LHFPL6: variants seen among roughly 807,000 people sequenced by gnomAD.
The protein encoded by LHFPL6 is LHFPL tetraspan subfamily member 6.
A neutral mutation model predicts 20.6 loss-of-function variants in LHFPL6; 9 were observed. That is an observed-to-expected ratio of 0.44 (90% CI 0.26 to 0.76). The LOEUF (loss-of-function observed/expected upper bound fraction) is 0.76, where lower values mean the gene tolerates loss of function less well. Ranked by LOEUF, LHFPL6 falls within the 30% of genes least tolerant of loss-of-function variation. LHFPL6 has a pLI of 0.20. For missense variants in LHFPL6, 218 were observed against 253.5 expected, an observed-to-expected ratio of 0.86 and a Z score of 0.95; for synonymous variants, 105 against 98.7, an observed-to-expected ratio of 1.06 and a Z score of -0.38.
chr13:39,567,653 C>T (rs748541624), intron 2 of LHFPL6, among the ~76,000 whole-genome samples: 2 of 152,110 alleles, frequency 1.3e-5, no homozygotes, highest in Non-Finnish European at 2.9e-5. Flanking sequence ...TCTTTGAAAA[C>T]ACATAAACCA....
chr13:39,388,407 A>T (rs149814610), intron 2 of LHFPL6, among the ~76,000 whole-genome samples: 1 of 152,208 alleles, frequency 6.6e-6, no homozygotes. Context: ...CTAGGCAATC[A>T]TTGGGAGAAA....
At chr13:39,569,126 C>CACGG (rs1461514758) in intron 2 of LHFPL6, among the ~76,000 whole-genome samples, 2 of 112,582 alleles carry the variant, frequency 1.8e-5, no homozygotes, top group Non-Finnish European at 3.8e-5. Flanking sequence ...GCTTAGTAAA[C>CACGG]ACGGATGGAT....
intron 2 of LHFPL6, among the ~76,000 whole-genome samples, chr13:39,486,581 T>G (rs1370050502): frequency 1.3e-5 from 2 of 152,184 alleles, no homozygotes; most frequent in Non-Finnish European, 2.9e-5. Context: ...AAGTGGTTAC[T>G]ATTACCGCCA....
intron 1 of LHFPL6, 28 bp downstream of exon 1, chr13:39,602,855 C>T (rs1230987765): frequency 6.6e-6 from 1 of 152,308 alleles, no homozygotes; most frequent in African/African-American, 2.4e-5. Flanking sequence ...GAGCCCACGC[C>T]CACGGGGCAG....
chr13:39,367,098 T>C (rs189985528), intron 3 of LHFPL6, among the ~76,000 whole-genome samples: 22 of 152,322 alleles, frequency 1.4e-4, no homozygotes, highest in African/African-American at 5.3e-4. Context: ...AGTGGAAGCA[T>C]ATTCAATTCA....
chr13:39,555,779 A>G (rs1871286018), intron 2 of LHFPL6, among the ~76,000 whole-genome samples: 1 of 152,244 alleles, frequency 6.6e-6, no homozygotes, highest in South Asian at 2.1e-4. Flanking sequence ...AGAAATTTCA[A>G]TTAATAAGGA....
chr13:39,511,599 G>T (rs932624109), intron 2 of LHFPL6, among the ~76,000 whole-genome samples: 39 of 152,136 alleles, frequency 2.6e-4, no homozygotes, highest in Non-Finnish European at 4.4e-5. Flanking sequence ...TTGATTTTAT[G>T]AACAAAGAAT....
intron 2 of LHFPL6, among the ~76,000 whole-genome samples, chr13:39,515,307 G>C (rs540620289): frequency 7.2e-5 from 11 of 152,280 alleles, no homozygotes; most frequent in African/African-American, 2.6e-4. Context: ...TTCCCATCAA[G>C]GGTTGAGGAT....
intron 2 of LHFPL6, among the ~76,000 whole-genome samples, chr13:39,494,513 C>T (rs539414704): frequency 6.6e-6 from 1 of 152,304 alleles, no homozygotes; most frequent in Non-Finnish European, 1.5e-5. Flanking sequence ...ACCCCGCTCA[C>T]TCCCATACAG....
intron 2 of LHFPL6, among the ~76,000 whole-genome samples, chr13:39,558,767 C>T (rs1871384798): frequency 6.6e-6 from 1 of 152,190 alleles, no homozygotes; most frequent in African/African-American, 2.4e-5. Flanking sequence ...CTCCCCAGCA[C>T]CAGGCAGGAT....
At chr13:39,568,515 T>TAA (rs1490528734) in intron 2 of LHFPL6, among the ~76,000 whole-genome samples, 1 of 152,136 alleles carries the variant, frequency 6.6e-6, no homozygotes, top group African/African-American at 2.4e-5. Flanking sequence ...CCTATATAAA[T>TAA]AAAAAAACCT....
At chr13:39,369,976 G>A (rs1193269323) in intron 3 of LHFPL6, among the ~76,000 whole-genome samples, 1 of 152,108 alleles carries the variant, frequency 6.6e-6, no homozygotes, top group Non-Finnish European at 1.5e-5. Flanking sequence ...AAATAGAAAT[G>A]TTCTGGCTCT....
intron 2 of LHFPL6, among the ~76,000 whole-genome samples, chr13:39,578,141 T>C (rs1374840201): frequency 6.6e-6 from 1 of 152,184 alleles, no homozygotes; most frequent in Non-Finnish European, 1.5e-5. Context: ...TCTCAACCCA[T>C]ATCACTGGAA....
At chr13:39,485,179 G>A (rs1424681973) in intron 2 of LHFPL6, among the ~76,000 whole-genome samples, 5 of 152,038 alleles carry the variant, frequency 3.3e-5, no homozygotes, top group South Asian at 2.1e-4. Context: ...ATAAATCAGC[G>A]GGAAAAATCA....
intron 2 of LHFPL6, among the ~76,000 whole-genome samples, chr13:39,514,806 C>G (rs929447385): frequency 6.6e-6 from 1 of 152,158 alleles, no homozygotes; most frequent in Admixed American, 6.5e-5. Flanking sequence ...AGAAGCCAAC[C>G]AAGGACATGA....
chr13:39,361,669 C>T (rs145193973), intron 3 of LHFPL6, among the ~76,000 whole-genome samples: 182 of 152,208 alleles, frequency 1.2e-3, no homozygotes, highest in Middle Eastern at 3.4e-3. Flanking sequence ...TTTTGCAAGT[C>T]GCAAACCGTA....
rs187525026 is a variant in LHFPL6, at chr13:39,421,135, C to T, written c.386-42609G>A. On this transcript the variant is annotated intron_variant, in intron 2 of 3. Coordinates refer to ENST00000379589, the MANE Select transcript of LHFPL6 (RefSeq NM_005780.3). Reference sequence around the variant, plus strand: ...AAACTAAATCACAAGTGTGAATGCCCGTTTACTCTCCTGTTATATCCCCTA... The same window carrying T: ...AAACTAAATCACAAGTGTGAATGCCTGTTTACTCTCCTGTTATATCCCCTA... Among the ~76,000 whole-genome samples the T allele has an allele frequency of 3.0e-3, 460 of 152,200 alleles. 1 individual carries two copies. The highest frequency in any genetic ancestry group is 5.1e-3 in the Non-Finnish European group (349 of 68,012).
chr13:39,471,743 T>A (rs1872953506), intron 2 of LHFPL6, among the ~76,000 whole-genome samples: 1 of 152,244 alleles, frequency 6.6e-6, no homozygotes, highest in Non-Finnish European at 1.5e-5. Context: ...TTCAACCTTG[T>A]AGAGAAATTA....
intron 2 of LHFPL6, among the ~76,000 whole-genome samples, chr13:39,503,622 A>C (rs1427556198): frequency 6.6e-6 from 1 of 152,234 alleles, no homozygotes; most frequent in Non-Finnish European, 1.5e-5. Flanking sequence ...CACCTAGAAC[A>C]GTGCTTGGTA....
Sources: allele counts gnomAD v4.1 joint callset (sites outside exome capture counted in the v4.1 genomes callset), GRCh38; gene constraint gnomAD v4.1.1; transcripts MANE v1.5; gene names NCBI Gene and HGNC (gene_info 2026-07-23, HGNC 2026-07-21).